The following KIF13A variants were observed in gnomAD, a reference collection of about 807,000 sequenced individuals.
The protein encoded by KIF13A is kinesin-like protein KIF13A.
A neutral mutation model predicts 212.2 loss-of-function variants in KIF13A; 79 were observed. That is an observed-to-expected ratio of 0.37 (90% confidence interval 0.31 to 0.45). The LOEUF (loss-of-function observed/expected upper bound fraction) is 0.45. KIF13A is among the 20% of genes least tolerant of loss of function. The pLI is 1.00. For synonymous variants in KIF13A, 789 were observed against 808.6 expected, an observed-to-expected ratio of 0.98 and a Z score of 0.41; for missense variants, 1,901 against 2,209.0, an observed-to-expected ratio of 0.86 and a Z score of 2.79.
chr6:17,987,426 CG>C lies in KIF13A; in HGVS notation c.37del (p.Arg13GlyfsTer3). On this transcript the variant is annotated frameshift_variant, in exon 1 of 39. Transcript: ENST00000259711. LOFTEE classifies it high-confidence loss of function. The surrounding 1 kb of genome is among the most constrained non-coding windows in gnomAD (Gnocchi z 7.7). ...CTCCTCACCTCGTCGGTTCATGGGC[CG>C]GACCCGGACGGCAACTTTTACCTTG... ...DTKVKVAVRV[R>X]PMNRRELELN... The C allele has an allele frequency of 7.4e-7, 1 of 1,353,480 alleles. No individual in the cohort carries two copies. The highest frequency in any genetic ancestry group is 2.2e-5 in the Admixed American group (1 of 46,392). 83.8% of individuals were successfully genotyped at this position (1,353,480 alleles called of 1,614,324 possible).
rs189135804 is a variant in KIF13A, at chr6:17,984,137, G to T, written c.146+2917C>A. ...TCACAGCCTCCAGGGAGAGAAAGAG[G>T]AAACAGAGAATTTTGAAATTATGTG... On this transcript the variant is annotated intron_variant, in intron 2 of 38. Coordinates refer to ENST00000259711, the MANE Select transcript of KIF13A (RefSeq NM_022113.6). The surrounding 1 kb of genome is among the most constrained non-coding windows in gnomAD (Gnocchi z 5.0). 5.9e-5 allele frequency among the ~76,000 whole-genome samples: 9 copies of T among 152,294 alleles called. No homozygotes were observed. Among genetic ancestry groups the T allele is most frequent in the Admixed American group, 5.9e-4 (9 of 15,304 alleles).
At position 17,895,202 on chromosome 6, in the gene KIF13A, C is replaced by A. The variant is rs757904022; in HGVS notation, c.159+2966G>T. Among the ~76,000 whole-genome samples, 2 of 152,162 alleles carry A rather than the reference C, an allele frequency of 1.3e-5. No homozygotes were observed. Among genetic ancestry groups the A allele is most frequent in the Non-Finnish European group, 2.9e-5 (2 of 68,032 alleles). On this transcript the variant is annotated intron_variant, in intron 3 of 38. Coordinates refer to ENST00000259711, the MANE Select transcript of KIF13A (RefSeq NM_022113.6). The surrounding 1 kb of genome is among the most constrained non-coding windows in gnomAD (Gnocchi z 4.4). ...TTATGTTTTATGTCTTTGAAGATAA[C>A]AAATATATTCATTTTGAAGTTCCTG...
Position 17,764,601 on chromosome 6 carries a change from C to A in KIF13A, c.4927G>T (p.Asp1643Tyr). ...TCTTTGTTTGAGGACGGCCTGAAAT[C>A]ATGCACAAGCGATGGTGTGGAGTGC... ...TEHSTPSLVH[D>Y]FRPSSNKELT... The change falls in exon 39 of 39, where the codon GAT (aspartate) becomes TAT (tyrosine). Residue 1643 changes from aspartate (D) to tyrosine (Y), a missense_variant. Asp to Tyr is a radical substitution (Grantham distance 160). Coordinates refer to ENST00000259711, the MANE Select transcript of KIF13A (RefSeq NM_022113.6). This position sits in a 1 kb window ranked among gnomAD's most constrained non-coding sequence, Gnocchi z 5.1. 2 of 1,613,964 alleles carry A rather than the reference C, an allele frequency of 1.2e-6. No individual in the cohort carries two copies. The highest frequency in any genetic ancestry group is 1.7e-6 in the Non-Finnish European group (2 of 1,179,898).
chr6:17,781,235 G>A lies in KIF13A; in HGVS notation c.3611C>T (p.Pro1204Leu). The A allele has an allele frequency of 6.2e-7, 1 of 1,613,784 alleles. No individual in the cohort carries two copies. The highest frequency in any genetic ancestry group is 1.6e-4 in the Middle Eastern group (1 of 6,062). ...GAAAAACTGGCTGCCATGCTCCTTGGGCAGGATGGAGTTCACGCCGGATGC... is the reference window on the plus strand; with the variant it reads ...GAAAAACTGGCTGCCATGCTCCTTGAGCAGGATGGAGTTCACGCCGGATGC... Reference protein sequence around the residue: ...PHASGVNSILPKEHGSQFFYL... With the variant: ...PHASGVNSILLKEHGSQFFYL... Residue 1204 changes from proline (P) to leucine (L), a missense_variant, in exon 30 of 39, where the codon CCC (proline) becomes CTC (leucine). Pro to Leu is a moderately conservative substitution (Grantham distance 98). Around this residue, in one of 5 missense-constraint regions of KIF13A, gnomAD observed 687 missense variants for 759.1 expected, o/e 0.90. Coordinates refer to ENST00000259711, the MANE Select transcript of KIF13A (RefSeq NM_022113.6).
chr6:17,930,633 C>A (rs1261070300), intron 2 of KIF13A, among the ~76,000 whole-genome samples: 2 of 152,194 alleles, frequency 1.3e-5, no homozygotes, highest in African/African-American at 4.8e-5. Flanking sequence ...ATTTGCCACA[C>A]TTTGCCATAA....
chr6:17,856,132 A>G lies in KIF13A; in HGVS notation c.221-10T>C. ...AAAACCACTTCTTGACCTAAAAAAC[A>G]AGACAAATATTAAAAACTAATAAAA... On this transcript the variant is annotated splice_polypyrimidine_tract_variant and intron_variant, in intron 4 of 38. Coordinates refer to ENST00000259711, the MANE Select transcript of KIF13A (RefSeq NM_022113.6). This position sits in a 1 kb window ranked among gnomAD's most constrained non-coding sequence, Gnocchi z 4.5. The G allele has an allele frequency of 6.4e-7, 1 of 1,568,790 alleles. No individual in the cohort carries two copies. Among genetic ancestry groups the G allele is most frequent in the Non-Finnish European group, 8.7e-7 (1 of 1,143,336 alleles).
rs570485235 is a variant in KIF13A at position 17,919,244 on chromosome 6, A to G, written c.147-21064T>C. On this transcript the variant is annotated intron_variant, in intron 2 of 38. Coordinates refer to ENST00000259711, the MANE Select transcript of KIF13A (RefSeq NM_022113.6). The surrounding 1 kb of genome is among the most constrained non-coding windows in gnomAD (Gnocchi z 4.1). ...GTGAACAGCATCACATAACATCACA[A>G]AACATCACAGCACATCACAAAACAG... Among the ~76,000 whole-genome samples, 2 of 152,324 alleles carry G rather than the reference A, an allele frequency of 1.3e-5. No individual in the cohort carries two copies. The highest frequency in any genetic ancestry group is 4.8e-5 in the African/African-American group (2 of 41,582).
In KIF13A at chr6:17,843,621, A is replaced by T. The variant is rs955143230; in HGVS notation, c.830+5756T>A. 1.3e-5 allele frequency among the ~76,000 whole-genome samples: 2 copies of T among 152,224 alleles called. No individual in the cohort carries two copies. Among genetic ancestry groups the T allele is most frequent in the African/African-American group, 4.8e-5 (2 of 41,464 alleles). On this transcript the variant is annotated intron_variant, in intron 9 of 38. Coordinates refer to ENST00000259711, the MANE Select transcript of KIF13A (RefSeq NM_022113.6). This position sits in a 1 kb window ranked among gnomAD's most constrained non-coding sequence, Gnocchi z 5.3. ...GACATGAACACACATTAAAGTTAGTAGAGCTGTGTGCATTTCTGAGGTGCT... is the reference window on the plus strand; with the variant it reads ...GACATGAACACACATTAAAGTTAGTTGAGCTGTGTGCATTTCTGAGGTGCT...
chr6:17,975,547 G>C (rs898863768), intron 2 of KIF13A, among the ~76,000 whole-genome samples: 3 of 151,006 alleles, frequency 2.0e-5, no homozygotes, highest in South Asian at 4.2e-4. Flanking sequence ...AAGACCAAAA[G>C]AAAAAAAAGC....
chr6:17,853,373 T>C (rs1767843454), intron 6 of KIF13A, among the ~76,000 whole-genome samples: 3 of 152,302 alleles, frequency 2.0e-5, no homozygotes, highest in South Asian at 4.1e-4. Context: ...GTCCAGTATC[T>C]GAAATTCTTG....
intron 35 of KIF13A, among the ~76,000 whole-genome samples, chr6:17,774,103 G>A (rs148946617): frequency 6.6e-6 from 1 of 152,160 alleles, no homozygotes; most frequent in African/African-American, 2.4e-5. Flanking sequence ...CAGAGAAAAC[G>A]CTGGCATATC....
intron 2 of KIF13A, among the ~76,000 whole-genome samples, chr6:17,977,107 A>T (rs1328151000): frequency 4.4e-4 from 45 of 101,166 alleles, no homozygotes; most frequent in African/African-American, 2.0e-3. Context: ...GTCTCAAAAA[A>T]CAACAACAAA....
At position 17,849,786 on chromosome 6, in the gene KIF13A, T is replaced by C. The variant is rs143464142; in HGVS notation, c.718-297A>G. Among the ~76,000 whole-genome samples, 1 of 152,290 alleles carries C rather than the reference T, an allele frequency of 6.6e-6. No homozygotes were observed. The highest frequency in any genetic ancestry group is 1.5e-5 in the Non-Finnish European group (1 of 68,006). On this transcript the variant is annotated intron_variant, in intron 8 of 38. Transcript: ENST00000259711. The surrounding 1 kb of genome is among the most constrained non-coding windows in gnomAD (Gnocchi z 5.7). The stretch of plus-strand genomic sequence containing the variant: ...ATGCCTATGAGGAGATATGAGGACA[T>C]GAGGATTTCTGCACATTCAAGTCAA...
intron 25 of KIF13A, among the ~76,000 whole-genome samples, chr6:17,792,902 C>CA (rs1761717795): frequency 6.6e-6 from 1 of 152,176 alleles, no homozygotes; most frequent in South Asian, 2.1e-4. Flanking sequence ...GGCTTACACT[C>CA]AGACTCCATA....
intron 16 of KIF13A, chr6:17,821,770 C>A: frequency 6.5e-7 from 1 of 1,534,974 alleles, no homozygotes; most frequent in South Asian, 1.2e-5. Context: ...CATGCCAATG[C>A]CAATCAGTTA....
At position 17,809,028 on chromosome 6, in the gene KIF13A, T is replaced by G. The variant is rs1347498658; in HGVS notation, c.2001-98A>C. On this transcript the variant is annotated intron_variant, in intron 17 of 38. Transcript: ENST00000259711. The surrounding 1 kb of genome is among the most constrained non-coding windows in gnomAD (Gnocchi z 4.7). ...ATTAGAAAATGGGAGAAAACTCCTC[T>G]CGGGCAGTATTTTTCAAACTATTTT... 6 of 1,122,324 alleles carry G rather than the reference T, an allele frequency of 5.3e-6. No homozygotes were observed. The highest frequency in any genetic ancestry group is 6.0e-5 in the Admixed American group (2 of 33,368). The allele number at this position is 1,122,324 out of a possible 1,614,324, so 69.5% of individuals were successfully genotyped here.
At chr6:17,903,204 G>C (rs967805373) in intron 2 of KIF13A, among the ~76,000 whole-genome samples, 1 of 152,136 alleles carries the variant, frequency 6.6e-6, no homozygotes, top group African/African-American at 2.4e-5. Flanking sequence ...GTTAAATATG[G>C]GTTTCTTTAT....
chr6:17,850,214 GC>G lies in KIF13A; in HGVS notation c.717+108del. 2.9e-6 allele frequency: 3 copies of G among 1,041,326 alleles called. No individual in the cohort carries two copies. The highest frequency in any genetic ancestry group is 4.0e-6 in the Non-Finnish European group (3 of 741,168). The allele number at this position is 1,041,326 out of a possible 1,614,324, so 64.5% of individuals were successfully genotyped here. On this transcript the variant is annotated intron_variant, in intron 8 of 38. Transcript: ENST00000259711. The surrounding 1 kb of genome is among the most constrained non-coding windows in gnomAD (Gnocchi z 6.2). The stretch of plus-strand genomic sequence containing the variant: ...AGTAGCTCACCTAGTAAGCAGAAGA[GC>G]CAACATACAATTCTCAGCCACTGAA...
At chr6:17,804,074 C>A (rs1407081872) in intron 20 of KIF13A, among the ~76,000 whole-genome samples, 1 of 152,174 alleles carries the variant, frequency 6.6e-6, no homozygotes, top group East Asian at 1.9e-4. Flanking sequence ...ATGGCGTGAA[C>A]CCGGAAGGCG....
Sources: allele counts gnomAD v4.1 joint callset (sites outside exome capture counted in the v4.1 genomes callset), GRCh38; gene constraint gnomAD v4.1.1; regional missense constraint gnomAD v4.1.1; non-coding constraint Gnocchi (gnomAD v3.1); transcripts MANE v1.5; gene names NCBI Gene and HGNC (gene_info 2026-07-23, HGNC 2026-07-21).